TMEM144: variants seen among roughly 807,000 people sequenced by gnomAD.
TMEM144 encodes the protein transmembrane protein 144.
In TMEM144, 39 loss-of-function variants were observed where a neutral mutation model predicts 43.6. The observed-to-expected ratio is 0.90, with a 90% CI of 0.69 to 1.17. The LOEUF is 1.17. TMEM144 is among the 50% of genes most tolerant of loss of function. The pLI is 0.00. For synonymous variants in TMEM144, 154 were observed against 133.6 expected (o/e 1.15, Z -1.06); for missense variants, 417 against 411.9 (o/e 1.01, Z -0.11).
At chr4:158,225,196 T>C (rs562043565) in intron 6 of TMEM144, among the ~76,000 whole-genome samples, 3 of 152,292 alleles carry the variant, frequency 2.0e-5, no homozygotes, top group Non-Finnish European at 1.5e-5. Context: ...GGGCCAGCCT[T>C]TGGAAACCCT....
rs568091212 is a variant in TMEM144, at chr4:158,232,291, C to A, written c.414-610C>A. Among the ~76,000 whole-genome samples, 5 of 152,312 alleles carry A rather than the reference C, an allele frequency of 3.3e-5. No homozygotes were observed. The East Asian group carries it at 9.6e-4, about 29-fold the overall frequency. ...TCTTAAACTATATCCTGGAGATCTT[C>A]CCATATCAGAGCATAGAGATCATCA... On this transcript the variant is annotated intron_variant, in intron 6 of 12. Coordinates refer to ENST00000296529, the MANE Select transcript of TMEM144 (RefSeq NM_018342.5).
At chr4:158,241,366 AAC>A in intron 10 of TMEM144, 141 bp from the exon 11 acceptor site, 2 of 670,318 alleles carry the variant, frequency 3.0e-6, no homozygotes, top group Non-Finnish European at 5.2e-6. Context: ...ATAACAATAA[AAC>A]ACAGCTCAAA....
At chr4:158,211,195 A>C (rs2111094713) in intron 1 of TMEM144, 1 of 152,366 alleles carries the variant, frequency 6.6e-6, no homozygotes, top group African/African-American at 2.4e-5. Context: ...ATTTATCTAT[A>C]GGTAATAACT....
At chr4:158,250,596 G>A (rs998518183) in intron 12 of TMEM144, among the ~76,000 whole-genome samples, 1 of 152,182 alleles carries the variant, frequency 6.6e-6, no homozygotes, top group Non-Finnish European at 1.5e-5. Context: ...CTGGCTGCAA[G>A]GCAGCAAAGA....
chr4:158,244,456 G>A (rs1295610015), intron 12 of TMEM144, 107 bp downstream of exon 12: 3 of 829,608 alleles, frequency 3.6e-6, no homozygotes, highest in African/African-American at 3.5e-5. Context: ...TGGATCGTGA[G>A]GTTAGGAGTT....
At chr4:158,248,054 TA>T (rs11364388) in intron 12 of TMEM144, among the ~76,000 whole-genome samples, 146,899 of 149,662 alleles carry the variant, frequency 0.98, 72,148 homozygotes, top group East Asian at 1. Context: ...TTTTCTGTTT[TA>T]AAAAAATGAC....
chr4:158,253,329 A>G, intron 12 of TMEM144, 115 bp from the exon 13 acceptor site: 1 of 793,600 alleles, frequency 1.3e-6, no homozygotes, highest in Non-Finnish European at 2.0e-6. Flanking sequence ...GGTAGCAAAA[A>G]AGGGTACAGG....
intron 12 of TMEM144, among the ~76,000 whole-genome samples, chr4:158,249,530 C>G (rs1260337701): frequency 1.3e-5 from 2 of 152,160 alleles, no homozygotes; most frequent in African/African-American, 4.8e-5. Flanking sequence ...TATAATTAGT[C>G]TTTTTCTCTA....
chr4:158,245,485 C>T (rs1385234791), intron 12 of TMEM144, among the ~76,000 whole-genome samples: 1 of 152,010 alleles, frequency 6.6e-6, no homozygotes, highest in Admixed American at 6.6e-5. Flanking sequence ...AGTTTCTTAA[C>T]CTCTCTGTGT....
intron 5 of TMEM144, among the ~76,000 whole-genome samples, 172 bp downstream of exon 5, chr4:158,217,592 T>A (rs896422811): frequency 1.3e-5 from 2 of 152,200 alleles, no homozygotes; most frequent in Admixed American, 1.3e-4. Flanking sequence ...AAATTCTTAA[T>A]AAGTGATCTA....
At chr4:158,225,319 G>A (rs1734711736) in intron 6 of TMEM144, among the ~76,000 whole-genome samples, 1 of 152,128 alleles carries the variant, frequency 6.6e-6, no homozygotes, top group Non-Finnish European at 1.5e-5. Context: ...AAAGGGTTTT[G>A]TCAGCTCAGT....
chr4:158,244,386 T>C (rs202200126), intron 12 of TMEM144, 37 bp downstream of exon 12: 13 of 1,567,620 alleles, frequency 8.3e-6, no homozygotes, highest in African/African-American at 1.4e-5. Context: ...AAAATGGGAA[T>C]GGGGTAGGCC....
At chr4:158,223,846 T>C (rs1242002300) in intron 6 of TMEM144, among the ~76,000 whole-genome samples, 1 of 152,252 alleles carries the variant, frequency 6.6e-6, no homozygotes, top group Non-Finnish European at 1.5e-5. Flanking sequence ...ATGACTTTGC[T>C]ATTGTAAATA....
chr4:158,248,859 A>T (rs571789617), intron 12 of TMEM144, among the ~76,000 whole-genome samples: 1 of 152,326 alleles, frequency 6.6e-6, no homozygotes, highest in African/African-American at 2.4e-5. Flanking sequence ...TTTAGTTTTA[A>T]TGCCATCAGT....
At chr4:158,244,950 G>A (rs1482451727) in intron 12 of TMEM144, among the ~76,000 whole-genome samples, 4 of 152,078 alleles carry the variant, frequency 2.6e-5, no homozygotes, top group Non-Finnish European at 1.5e-5. Flanking sequence ...ATAACCCAGT[G>A]AAATATGAGA....
chr4:158,237,210 G>A (rs1414468798), intron 8 of TMEM144: 5 of 209,926 alleles, frequency 2.4e-5, no homozygotes, highest in Non-Finnish European at 2.8e-5. Flanking sequence ...GTTTATTTAT[G>A]TAGACTGTAC....
intron 6 of TMEM144, among the ~76,000 whole-genome samples, chr4:158,220,929 A>G (rs925379980): frequency 1.3e-5 from 2 of 152,074 alleles, no homozygotes; most frequent in Non-Finnish European, 2.9e-5. Context: ...GGAATATGTC[A>G]TTTCATTATT....
intron 12 of TMEM144, among the ~76,000 whole-genome samples, chr4:158,248,123 TAA>T (rs753919532): frequency 0.16 from 16,071 of 99,444 alleles, 1,032 homozygotes; most frequent in Middle Eastern, 0.22. Context: ...AGCAAAGAAT[TAA>T]AAAAAAAAAA....
intron 6 of TMEM144, among the ~76,000 whole-genome samples, chr4:158,229,904 C>T (rs535412252): frequency 2.6e-5 from 4 of 152,166 alleles, no homozygotes; most frequent in Non-Finnish European, 2.9e-5. Context: ...CCTTCCCTCA[C>T]CCAGGGAGCT....
Sources: allele counts gnomAD v4.1 joint callset (sites outside exome capture counted in the v4.1 genomes callset), GRCh38; gene constraint gnomAD v4.1.1; transcripts MANE v1.5; gene names NCBI Gene and HGNC (gene_info 2026-07-23, HGNC 2026-07-21).